The following GRIN3A variants were observed in gnomAD, a reference collection of about 807,000 sequenced individuals.
GRIN3A encodes glutamate receptor ionotropic, NMDA 3A.
Under a neutral mutation model 92.4 loss-of-function variants are expected in GRIN3A, and 47 were observed. The observed-to-expected ratio is 0.51, with a 90% CI of 0.40 to 0.65. GRIN3A has a LOEUF of 0.65. Among genes scored for constraint, GRIN3A ranks in the 30% least tolerant of loss-of-function variants. GRIN3A has a pLI of 0.00. For missense variants in GRIN3A, 1,324 were observed against 1,393.1 expected, an observed-to-expected ratio of 0.95 and a Z score of 0.79; for synonymous variants, 527 against 540.6, an observed-to-expected ratio of 0.97 and a Z score of 0.35.
intron 2 of GRIN3A, among the ~76,000 whole-genome samples, chr9:101,681,426 A>G (rs1020405409): frequency 4.6e-5 from 7 of 152,250 alleles, no homozygotes; most frequent in Non-Finnish European, 4.4e-5. Context: ...TTAGCTTGGC[A>G]TACAAACTCT....
Position 101,737,341 on chromosome 9 carries a change from G to A in GRIN3A, c.639C>T (p.Ser213=). Residue 213 remains serine, a synonymous_variant, in exon 1 of 9, where the codon AGC becomes AGT. Coordinates refer to ENST00000361820, the MANE Select transcript of GRIN3A (RefSeq NM_133445.3). ...TGATCACTGGAATGTGCAGGACTAA[G>A]CTGACCAAGTCGAGCTCCATCATTT... The part of the protein sequence containing the change: ...QGEMMELDLV[S]LVLHIPVISI... The A allele has an allele frequency of 1.2e-6, 2 of 1,614,212 alleles. No individual in the cohort carries two copies. Among genetic ancestry groups the A allele is most frequent in the South Asian group, 2.2e-5 (2 of 91,082 alleles).
chr9:101,676,010 C>A (rs985221434), intron 2 of GRIN3A, among the ~76,000 whole-genome samples: 2 of 151,732 alleles, frequency 1.3e-5, no homozygotes, highest in Non-Finnish European at 2.9e-5. Flanking sequence ...TTTTTCTTGT[C>A]TTATTTGACA....
chr9:101,633,833 G>C, intron 3 of GRIN3A, among the ~76,000 whole-genome samples: 1 of 152,094 alleles, frequency 6.6e-6, no homozygotes, highest in South Asian at 2.1e-4. Flanking sequence ...AAGGTTAAAT[G>C]TACTGACTAA....
intron 1 of GRIN3A, among the ~76,000 whole-genome samples, chr9:101,709,489 T>C (rs1564149732): frequency 6.6e-6 from 1 of 152,222 alleles, no homozygotes; most frequent in Non-Finnish European, 1.5e-5. Flanking sequence ...AATTCCATAG[T>C]TGATGTTGTA....
intron 1 of GRIN3A, among the ~76,000 whole-genome samples, chr9:101,697,157 A>G (rs1257116734): frequency 6.6e-6 from 1 of 152,188 alleles, no homozygotes; most frequent in Non-Finnish European, 1.5e-5. Flanking sequence ...TAGTATTAGT[A>G]TAACATTAAG....
intron 5 of GRIN3A, among the ~76,000 whole-genome samples, chr9:101,620,674 T>C (rs1240547082): frequency 1.3e-5 from 2 of 152,126 alleles, no homozygotes; most frequent in African/African-American, 4.8e-5. Context: ...TACATTAATG[T>C]TATATGCCTA....
chr9:101,585,882 G>T (rs1827944904), intron 6 of GRIN3A, among the ~76,000 whole-genome samples: 1 of 152,136 alleles, frequency 6.6e-6, no homozygotes, highest in African/African-American at 2.4e-5. Flanking sequence ...TAAATTCAGA[G>T]TCCTTGCAAT....
rs185752330 is a variant in GRIN3A, at chr9:101,581,038, G to A, written c.2767-1678C>T. Among the ~76,000 whole-genome samples the A allele has an allele frequency of 2.2e-3, 331 of 152,318 alleles. 3 individuals carry two copies. Among genetic ancestry groups the A allele is most frequent in the African/African-American group, 7.6e-3 (316 of 41,562 alleles). On this transcript the variant is annotated intron_variant, in intron 6 of 8. Coordinates refer to ENST00000361820, the MANE Select transcript of GRIN3A (RefSeq NM_133445.3). ...TAGAAGTAAAAATACATAATATATTGAGTTAATACTAGGTGCCAGGCACTC... is the reference window on the plus strand; with the variant it reads ...TAGAAGTAAAAATACATAATATATTAAGTTAATACTAGGTGCCAGGCACTC...
intron 6 of GRIN3A, among the ~76,000 whole-genome samples, chr9:101,581,038 G>GTATAT (rs1564118284): frequency 6.6e-6 from 1 of 152,200 alleles, no homozygotes; most frequent in Non-Finnish European, 1.5e-5. Flanking sequence ...ATAATATATT[G>GTATAT]AGTTAATACT....
chr9:101,670,414 A>C lies in GRIN3A; in HGVS notation c.1998T>G (p.Ile666Met). 1 of 1,614,038 alleles carries C rather than the reference A, an allele frequency of 6.2e-7. No individual in the cohort carries two copies. The highest frequency in any genetic ancestry group is 2.2e-5 in the East Asian group (1 of 44,844). Residue 666 changes from isoleucine (I) to methionine (M), a missense_variant, in exon 3 of 9, where the codon ATT becomes ATG. By Grantham distance (10) the Ile-to-Met change is conservative (BLOSUM62 1). Coordinates refer to ENST00000361820, the MANE Select transcript of GRIN3A (RefSeq NM_133445.3). ...LVRTRDTAAP[I>M]GAFMWPLHWT... The stretch of plus-strand genomic sequence containing the variant: ...AGTGGAGTGGCCACATGAAGGCTCC[A>C]ATGGGAGCTGCTGTATCTCGGGTCC...
intron 1 of GRIN3A, among the ~76,000 whole-genome samples, chr9:101,711,633 G>T (rs751076550): frequency 4.6e-5 from 7 of 152,122 alleles, no homozygotes; most frequent in Non-Finnish European, 8.8e-5. Context: ...TTACCTGACT[G>T]CTCTAGGTTC....
chr9:101,707,927 A>G (rs1476512627), intron 1 of GRIN3A, among the ~76,000 whole-genome samples: 1 of 152,100 alleles, frequency 6.6e-6, no homozygotes, highest in Non-Finnish European at 1.5e-5. Flanking sequence ...CTCCCTTGAT[A>G]GTTCTTTGGC....
chr9:101,603,528 G>A (rs1446388823), intron 6 of GRIN3A, among the ~76,000 whole-genome samples: 1 of 152,126 alleles, frequency 6.6e-6, no homozygotes, highest in African/African-American at 2.4e-5. Flanking sequence ...CTGGTATGTT[G>A]CTCCCAGAGC....
chr9:101,646,185 T>C (rs531910537), intron 3 of GRIN3A, among the ~76,000 whole-genome samples: 57 of 152,052 alleles, frequency 3.7e-4, no homozygotes, highest in African/African-American at 1.3e-3. Context: ...TGTTTTTTTC[T>C]AGTAGTTTCA....
intron 1 of GRIN3A, among the ~76,000 whole-genome samples, chr9:101,716,947 T>C (rs1291037490): frequency 6.6e-6 from 1 of 152,198 alleles, no homozygotes; most frequent in East Asian, 1.9e-4. Flanking sequence ...AGTAGCTGGC[T>C]GGCTGCTGTA....
In GRIN3A at chr9:101,710,403, A is replaced by G. The variant is rs749437084; in HGVS notation, c.700-23203T>C. The stretch of plus-strand genomic sequence containing the variant: ...ATGTCAAGTATATGCAAATACTGGT[A>G]ATCTTTTGCAGACATCAGTGGCATC... On this transcript the variant is annotated intron_variant, in intron 1 of 8. Coordinates refer to ENST00000361820, the MANE Select transcript of GRIN3A (RefSeq NM_133445.3). 4.1e-4 allele frequency among the ~76,000 whole-genome samples: 62 copies of G among 152,200 alleles called. 1 individual carries two copies. The highest frequency in any genetic ancestry group is 2.1e-4 in the South Asian group (1 of 4,830).
intron 1 of GRIN3A, among the ~76,000 whole-genome samples, chr9:101,701,931 T>G (rs1344329553): frequency 1.3e-5 from 2 of 150,260 alleles, no homozygotes; most frequent in African/African-American, 2.5e-5. Context: ...TAGTATCATC[T>G]ACTTTCCTCC....
At chr9:101,674,340 A>G (rs565677863) in intron 2 of GRIN3A, among the ~76,000 whole-genome samples, 20 of 152,190 alleles carry the variant, frequency 1.3e-4, no homozygotes, top group African/African-American at 4.8e-4. Flanking sequence ...GTGAGGAACA[A>G]TGCTTCTTCC....
intron 1 of GRIN3A, among the ~76,000 whole-genome samples, chr9:101,735,882 C>A (rs762764006): frequency 6.8e-6 from 1 of 147,700 alleles, no homozygotes; most frequent in Non-Finnish European, 1.5e-5. Flanking sequence ...CTGCACTCTA[C>A]AGATCAAATC....
Sources: allele counts gnomAD v4.1 joint callset (sites outside exome capture counted in the v4.1 genomes callset), GRCh38; gene constraint gnomAD v4.1.1; transcripts MANE v1.5; gene names NCBI Gene and HGNC (gene_info 2026-07-23, HGNC 2026-07-21).